HPSE2: variants seen among roughly 807,000 people sequenced by gnomAD.
HPSE2 encodes inactive heparanase-2.
HPSE2 carries 38 observed loss-of-function variants against 60.5 expected under a neutral mutation model. The ratio of observed to expected loss-of-function variants is 0.63; its 90% CI spans 0.48 to 0.82. The LOEUF is 0.82. Among genes scored for constraint, HPSE2 ranks in the 40% least tolerant of loss-of-function variants. The pLI, the probability that HPSE2 is intolerant of heterozygous loss-of-function variation, is 0.00. For synonymous variants in HPSE2, 295 were observed against 293.2 expected (o/e 1.01, Z -0.06); for missense variants, 713 against 740.4 (o/e 0.96, Z 0.43).
intron 2 of HPSE2, among the ~76,000 whole-genome samples, chr10:99,165,273 T>C (rs1371089009): frequency 6.6e-6 from 1 of 152,020 alleles, no homozygotes; most frequent in Non-Finnish European, 1.5e-5. Flanking sequence ...CCAACCACAG[T>C]ACAGTGCTGC....
rs11189749 is a variant in HPSE2, at chr10:98,692,723, C to A, written c.1004+1177G>T. ...GGTGGAGCTTGCAGTGAGCCGAGAT[C>A]GCGCCACTGCACTCCAGCCTGGGCG... On this transcript the variant is annotated intron_variant, in intron 6 of 11. Transcript: ENST00000370552. Among the ~76,000 whole-genome samples the A allele has an allele frequency of 8.3e-4, 126 of 152,142 alleles. No individual in the cohort carries two copies. The East Asian group carries it at 0.023, about 28-fold the overall frequency.
At chr10:98,857,092 C>G (rs749097947) in intron 3 of HPSE2, among the ~76,000 whole-genome samples, 1 of 152,186 alleles carries the variant, frequency 6.6e-6, no homozygotes, top group Non-Finnish European at 1.5e-5. Flanking sequence ...TAGGGTCACT[C>G]AGAGGCATCA....
intron 3 of HPSE2, among the ~76,000 whole-genome samples, chr10:98,815,837 C>T (rs1015373928): frequency 2.0e-5 from 3 of 151,942 alleles, no homozygotes; most frequent in Non-Finnish European, 2.9e-5. Flanking sequence ...AACGAATTTA[C>T]GTAAGATTTA....
intron 6 of HPSE2, among the ~76,000 whole-genome samples, chr10:98,654,159 A>G (rs1358285652): frequency 2.6e-5 from 4 of 151,856 alleles, no homozygotes; most frequent in East Asian, 3.9e-4. Flanking sequence ...CTTTAGTTCT[A>G]TAATATGCCT....
At chr10:98,736,497 G>A (rs1237562560) in intron 4 of HPSE2, among the ~76,000 whole-genome samples, 1 of 152,098 alleles carries the variant, frequency 6.6e-6, no homozygotes, top group African/African-American at 2.4e-5. Flanking sequence ...AAGAACCAAT[G>A]TAATTCAAAC....
chr10:99,132,196 AGAGAGAGAGAG>A lies in HPSE2; in HGVS notation c.610+12031_610+12041del, dbSNP rs1845440827. 2.7e-3 allele frequency among the ~76,000 whole-genome samples: 119 copies of A among 43,496 alleles called. 4 individuals are homozygous for A. The Middle Eastern group carries it at 0.028, about 10-fold the overall frequency. The allele number at this position is 43,496 out of a possible 152,430, so 28.5% of individuals were successfully genotyped here. On this transcript the variant is annotated intron_variant, in intron 3 of 11. Transcript: ENST00000370552. ...AAGAAAGAAAGAAAGAAAGAAAGAGAGAGAGAGAGAGAGAGAGAGAGAGAGAGAGAGAGAGA... is the reference window on the plus strand; with the variant it reads ...AAGAAAGAAAGAAAGAAAGAAAGAGAAGAGAGAGAGAGAGAGAGAGAGAGA...
chr10:99,277,760 TATC>T, the HPSE2 span, among the ~76,000 whole-genome samples: 3 of 151,924 alleles, frequency 2.0e-5, no homozygotes, highest in East Asian at 5.8e-4. Flanking sequence ...GATGGAAAAA[TATC>T]ATATAATACA....
intron 3 of HPSE2, among the ~76,000 whole-genome samples, chr10:98,821,042 T>G (rs1286648991): frequency 2.0e-5 from 3 of 152,182 alleles, no homozygotes; most frequent in African/African-American, 7.2e-5. Context: ...CAAATCTAAG[T>G]GGCCAGCTAA....
chr10:99,088,161 C>T (rs2135591100), intron 3 of HPSE2, among the ~76,000 whole-genome samples: 1 of 152,094 alleles, frequency 6.6e-6, no homozygotes, highest in East Asian at 1.9e-4. Flanking sequence ...TACTTTAGGT[C>T]TCCCTCAAAT....
chr10:98,675,888 T>A (rs1947627770), intron 6 of HPSE2, among the ~76,000 whole-genome samples: 1 of 151,842 alleles, frequency 6.6e-6, no homozygotes, highest in African/African-American at 2.4e-5. Context: ...AAACATTTTT[T>A]AAAAAATTAG....
chr10:99,134,004 A>G (rs1845548509), intron 3 of HPSE2, among the ~76,000 whole-genome samples: 1 of 152,228 alleles, frequency 6.6e-6, no homozygotes, highest in South Asian at 2.1e-4. Flanking sequence ...GCTAACTAGA[A>G]TAATCAGCTG....
intron 3 of HPSE2, among the ~76,000 whole-genome samples, chr10:99,057,900 C>T (rs140256783): frequency 8.5e-4 from 95 of 112,142 alleles, no homozygotes; most frequent in African/African-American, 3.1e-3. Flanking sequence ...GACAAGTGAA[C>T]GCTGAATCTT....
the HPSE2 span, among the ~76,000 whole-genome samples, chr10:99,276,385 T>C: frequency 6.6e-6 from 1 of 152,208 alleles, no homozygotes; most frequent in East Asian, 1.9e-4. Flanking sequence ...TAGTTGGGTG[T>C]TTGTGTGGCA....
chr10:99,004,669 G>C (rs1372535458), intron 3 of HPSE2, among the ~76,000 whole-genome samples: 2 of 152,112 alleles, frequency 1.3e-5, no homozygotes, highest in Non-Finnish European at 2.9e-5. Flanking sequence ...AAAGATATGT[G>C]ATTTACATAT....
intron 8 of HPSE2, among the ~76,000 whole-genome samples, chr10:98,615,652 C>G (rs1945886195): frequency 6.6e-6 from 1 of 152,206 alleles, no homozygotes; most frequent in Non-Finnish European, 1.5e-5. Context: ...TACTTATCAT[C>G]TATCCTACTA....
intron 3 of HPSE2, among the ~76,000 whole-genome samples, chr10:98,999,500 G>T (rs1956728503): frequency 6.6e-6 from 1 of 152,188 alleles, no homozygotes; most frequent in Non-Finnish European, 1.5e-5. Flanking sequence ...CAGACTAGAA[G>T]TAAGTCCTCT....
chr10:98,798,590 TTAAAGTA>T (rs1355984419), intron 3 of HPSE2, among the ~76,000 whole-genome samples: 1 of 152,074 alleles, frequency 6.6e-6, no homozygotes, highest in East Asian at 1.9e-4. Context: ...GGGGATGAAG[TTAAAGTA>T]TAGAGTTTTA....
intron 3 of HPSE2, among the ~76,000 whole-genome samples, chr10:98,969,358 C>T (rs991118695): frequency 2.0e-5 from 3 of 152,134 alleles, no homozygotes; most frequent in African/African-American, 7.2e-5. Context: ...CCTTCAGCAT[C>T]ATAAAGGAAA....
chr10:98,597,305 G>A (rs917171415), intron 9 of HPSE2, among the ~76,000 whole-genome samples: 1 of 152,042 alleles, frequency 6.6e-6, no homozygotes, highest in African/African-American at 2.4e-5. Context: ...AATGTTTTCT[G>A]CTATTATTTC....
Sources: gnomAD v4.1 joint callset for allele counts (sites outside exome capture counted in the v4.1 genomes callset) on GRCh38, gnomAD v4.1.1 for gene constraint, MANE v1.5 for transcripts, NCBI Gene and HGNC (gene_info 2026-07-23, HGNC 2026-07-21) for gene names.